The following IQSEC1 variants were observed in gnomAD, a reference collection of about 807,000 sequenced individuals.
IQSEC1 encodes the protein IQ motif and Sec7 domain ArfGEF 1.
Under a neutral mutation model 91.0 loss-of-function variants are expected in IQSEC1, and 31 were observed. The observed-to-expected ratio is 0.34, with a 90% CI of 0.26 to 0.46. The LOEUF (loss-of-function observed/expected upper bound fraction) is 0.46, where lower values mean the gene tolerates loss of function less well. Ranked by LOEUF, IQSEC1 falls within the 20% of genes least tolerant of loss-of-function variation. The pLI, the probability that IQSEC1 is intolerant of heterozygous loss-of-function variation, is 1.00. For synonymous variants in IQSEC1, 699 were observed against 662.6 expected, an observed-to-expected ratio of 1.05 and a Z score of -0.84; for missense variants, 1,388 against 1,575.6, an observed-to-expected ratio of 0.88 and a Z score of 2.02.
chr3:13,089,866 G>T (rs1705807072), intron 2 of IQSEC1, among the ~76,000 whole-genome samples: 1 of 152,204 alleles, frequency 6.6e-6, no homozygotes, highest in Non-Finnish European at 1.5e-5. Flanking sequence ...TGTGGGGATG[G>T]TTGTGCAACT....
intron 2 of IQSEC1, among the ~76,000 whole-genome samples, chr3:13,120,790 T>G (rs182913422): frequency 6.6e-6 from 1 of 152,114 alleles, no homozygotes; most frequent in Non-Finnish European, 1.5e-5. Flanking sequence ...TCCTTCACCA[T>G]GACAGAGAGG....
intron 1 of IQSEC1, among the ~76,000 whole-genome samples, chr3:12,965,793 C>G (rs1972791): frequency 0.41 from 61,624 of 152,100 alleles, 13,343 homozygotes; most frequent in Non-Finnish European, 0.48. Flanking sequence ...AAACCCCTCC[C>G]CAGTTACTTT....
intron 2 of IQSEC1, among the ~76,000 whole-genome samples, chr3:13,084,433 T>A (rs984833338): frequency 1.3e-5 from 2 of 152,200 alleles, no homozygotes; most frequent in African/African-American, 4.8e-5. Flanking sequence ...CAAACTTTAC[T>A]GAGCACCTAC....
intron 2 of IQSEC1, among the ~76,000 whole-genome samples, chr3:13,163,959 G>A (rs1486391658): frequency 6.6e-6 from 1 of 152,190 alleles, no homozygotes; most frequent in Non-Finnish European, 1.5e-5. Context: ...GGCCCTTGGG[G>A]CACACGCCAG....
At chr3:13,263,915 G>C (rs538057666) in intron 1 of IQSEC1, among the ~76,000 whole-genome samples, 1 of 152,316 alleles carries the variant, frequency 6.6e-6, no homozygotes, top group Non-Finnish European at 1.5e-5. Flanking sequence ...TGAAGTCGTG[G>C]ACAAGAAAGT....
intron 2 of IQSEC1, among the ~76,000 whole-genome samples, chr3:13,136,128 G>A (rs1706706282): frequency 6.6e-6 from 1 of 152,234 alleles, no homozygotes; most frequent in African/African-American, 2.4e-5. Flanking sequence ...GGAGGGAGAA[G>A]ACACAGAATA....
Position 12,908,414 on chromosome 3 carries a change from T to C in IQSEC1, c.2690A>G (p.Tyr897Cys), listed in dbSNP as rs752267527. Reference protein sequence around the residue: ...TLSRACLDDSYASGEGLKRSA... With the variant: ...TLSRACLDDSCASGEGLKRSA... ...GCGCTTGAGGCCCTCACCGCTGGCA[T>C]AGCTGTCGTCCAGGCAGGCCCGGCT... is the stretch of plus-strand genomic sequence containing the variant. Residue 897 changes from tyrosine (Y) to cysteine (C), a missense_variant, in exon 12 of 14, where the codon TAT (tyrosine) becomes TGT (cysteine). Physicochemically the swap from Tyr to Cys is radical, Grantham distance 194. This residue lies in a region of IQSEC1 where 1,059 missense variants were observed against 1,317.8 expected (regional missense o/e 0.80). Coordinates refer to ENST00000613206, the MANE Select transcript of IQSEC1 (RefSeq NM_001134382.3). The surrounding 1 kb of genome is among the most constrained non-coding windows in gnomAD (Gnocchi z 4.9). 6.2e-7 allele frequency: 1 copy of C among 1,613,216 alleles called. No homozygotes were observed. The highest frequency in any genetic ancestry group is 8.5e-7 in the Non-Finnish European group (1 of 1,180,012).
At chr3:13,263,695 C>T (rs1695434688) in intron 1 of IQSEC1, among the ~76,000 whole-genome samples, 2 of 152,164 alleles carry the variant, frequency 1.3e-5, no homozygotes, top group African/African-American at 2.4e-5. Flanking sequence ...ACCGCCTTGG[C>T]CTCTCAAAGT....
intron 6 of IQSEC1, 49 bp from the exon 7 acceptor site, chr3:12,915,782 G>A (rs1696028171): frequency 1.3e-5 from 20 of 1,595,366 alleles, no homozygotes; most frequent in East Asian, 2.2e-5. Context: ...AGGCTCACTC[G>A]ATTTACCAGT....
At chr3:13,248,108 C>A (rs1695137962) in intron 1 of IQSEC1, among the ~76,000 whole-genome samples, 1 of 152,176 alleles carries the variant, frequency 6.6e-6, no homozygotes, top group Non-Finnish European at 1.5e-5. Context: ...CAGAGGGCTG[C>A]AAAGCTGGGT....
At chr3:12,914,729 G>A (rs1695906026) in intron 8 of IQSEC1, among the ~76,000 whole-genome samples, 2 of 152,160 alleles carry the variant, frequency 1.3e-5, no homozygotes, top group South Asian at 4.1e-4. Context: ...GACGGGTCCT[G>A]GGGGTGAGGA....
At position 12,899,936 on chromosome 3, in the gene IQSEC1, T is replaced by TA. The variant is rs1362686970; in HGVS notation, c.*1046_*1047insT. 9.1e-6 allele frequency: 9 copies of TA among 985,094 alleles called. No individual in the cohort carries two copies. The African/African-American group carries it at 1.6e-4, about 17-fold the overall frequency. 61.0% of individuals were successfully genotyped at this position (985,094 alleles called of 1,614,324 possible). Reference sequence around the variant, plus strand: ...GGTGCCCCTCTCGGAGGACTCTGAATGAGTGTGCGTCAAATCATATGCGCA... The same window carrying TA: ...GGTGCCCCTCTCGGAGGACTCTGAATAGAGTGTGCGTCAAATCATATGCGCA... On this transcript the variant is annotated 3_prime_UTR_variant, in exon 14 of 14. Coordinates refer to ENST00000613206, the MANE Select transcript of IQSEC1 (RefSeq NM_001134382.3).
intron 1 of IQSEC1, chr3:13,042,547 G>A (rs1704319762): frequency 6.6e-6 from 1 of 152,330 alleles, no homozygotes; most frequent in African/African-American, 2.4e-5. Flanking sequence ...ACAAAGAGCA[G>A]CCAGCACAAA....
chr3:12,912,142 T>C (rs926976371), intron 9 of IQSEC1, among the ~76,000 whole-genome samples: 1 of 152,222 alleles, frequency 6.6e-6, no homozygotes, highest in Non-Finnish European at 1.5e-5. Context: ...TGCCTGGTGA[T>C]GGCCTGCAGG....
intron 1 of IQSEC1, among the ~76,000 whole-genome samples, chr3:13,063,293 T>C (rs1243721717): frequency 6.6e-6 from 1 of 152,260 alleles, no homozygotes; most frequent in Admixed American, 6.5e-5. Flanking sequence ...AACAGTCAAT[T>C]TGTAGAATGA....
chr3:13,165,439 C>A (rs1305575962), intron 1 of IQSEC1, among the ~76,000 whole-genome samples: 2 of 146,392 alleles, frequency 1.4e-5, no homozygotes, highest in Non-Finnish European at 3.0e-5. Flanking sequence ...ATCCCAGGAG[C>A]AGCTTTTGAA....
intron 1 of IQSEC1, among the ~76,000 whole-genome samples, chr3:12,957,684 GCCCT>G (rs1559672730): frequency 1.3e-5 from 2 of 152,222 alleles, no homozygotes; most frequent in African/African-American, 4.8e-5. Flanking sequence ...CTCATGGCCC[GCCCT>G]GCCAGCCAGG....
intron 1 of IQSEC1, among the ~76,000 whole-genome samples, chr3:13,047,058 G>A (rs1311482885): frequency 1.3e-5 from 2 of 151,832 alleles, no homozygotes; most frequent in African/African-American, 2.4e-5. Flanking sequence ...CCCACCAAGC[G>A]CAGCTGCACA....
chr3:12,982,176 A>G (rs939942656), intron 1 of IQSEC1, among the ~76,000 whole-genome samples: 1 of 152,122 alleles, frequency 6.6e-6, no homozygotes, highest in African/African-American at 2.4e-5. Flanking sequence ...TTTGCGCCCC[A>G]TATTGGAACC....
Sources: allele counts gnomAD v4.1 joint callset (sites outside exome capture counted in the v4.1 genomes callset), GRCh38; gene constraint gnomAD v4.1.1; regional missense constraint gnomAD v4.1.1; non-coding constraint Gnocchi (gnomAD v3.1); transcripts MANE v1.5; gene names NCBI Gene and HGNC (gene_info 2026-07-23, HGNC 2026-07-21).